Variants in CDH13 observed in about 807,000 individuals in gnomAD.
CDH13 encodes cadherin-13.
A neutral mutation model predicts 63.8 loss-of-function variants in CDH13; 24 were observed. That is an observed-to-expected ratio of 0.38 (90% CI 0.27 to 0.53). CDH13 has a LOEUF of 0.53. CDH13 is among the 20% of genes least tolerant of loss of function. The pLI, the probability that CDH13 is intolerant of heterozygous loss-of-function variation, is 0.85. For missense variants in CDH13, 1,049 were observed against 903.1 expected (o/e 1.16, Z -2.07); for synonymous variants, 503 against 355.3 (o/e 1.42, Z -4.67).
chr16:83,084,643 C>T (rs371302876), intron 3 of CDH13, among the ~76,000 whole-genome samples: 106 of 152,304 alleles, frequency 7.0e-4, no homozygotes, highest in African/African-American at 2.5e-3. Flanking sequence ...AATCCCAACA[C>T]ATCCGGAGGC....
chr16:82,875,442 C>T (rs1350484746), intron 2 of CDH13, among the ~76,000 whole-genome samples: 2 of 152,108 alleles, frequency 1.3e-5, no homozygotes, highest in Non-Finnish European at 2.9e-5. Context: ...CATCCAAAGA[C>T]CTGAATGACA....
chr16:83,496,065 G>A (rs961807943), intron 7 of CDH13, among the ~76,000 whole-genome samples: 8 of 151,430 alleles, frequency 5.3e-5, no homozygotes, highest in South Asian at 4.2e-4. Flanking sequence ...AATCAATATC[G>A]TGAAAATGGC....
intron 8 of CDH13, among the ~76,000 whole-genome samples, chr16:83,623,648 C>T (rs1212598451): frequency 6.6e-6 from 1 of 152,174 alleles, no homozygotes; most frequent in Non-Finnish European, 1.5e-5. Context: ...GCTGTAAATC[C>T]ATATATCAGA....
At chr16:82,790,555 A>G (rs150888614) in intron 1 of CDH13, among the ~76,000 whole-genome samples, 286 of 152,346 alleles carry the variant, frequency 1.9e-3, no homozygotes, top group African/African-American at 6.4e-3. Context: ...GTGAAAATAA[A>G]GCATATCCTG....
chr16:83,023,300 A>ACCCCC (rs55734721), intron 2 of CDH13, among the ~76,000 whole-genome samples: 5 of 151,458 alleles, frequency 3.3e-5, no homozygotes, highest in African/African-American at 1.2e-4. Context: ...TGTTTTCACT[A>ACCCCC]CCCCCCGACT....
intron 6 of CDH13, among the ~76,000 whole-genome samples, chr16:83,480,665 G>A (rs1242859347): frequency 6.6e-6 from 1 of 152,122 alleles, no homozygotes; most frequent in African/African-American, 2.4e-5. Context: ...AGCAAAACTT[G>A]GCCTGCAGGG....
At chr16:82,642,600 A>C (rs1909553888) in intron 1 of CDH13, among the ~76,000 whole-genome samples, 1 of 152,152 alleles carries the variant, frequency 6.6e-6, no homozygotes, top group African/African-American at 2.4e-5. Flanking sequence ...TCTCCACCAG[A>C]CTGTGCATTA....
intron 6 of CDH13, among the ~76,000 whole-genome samples, chr16:83,474,635 G>T (rs2073553697): frequency 1.3e-5 from 2 of 152,170 alleles, no homozygotes; most frequent in South Asian, 4.1e-4. Flanking sequence ...TAAAAAGGAG[G>T]ATGTAGCTTA....
intron 7 of CDH13, among the ~76,000 whole-genome samples, chr16:83,512,674 A>G (rs1239849952): frequency 1.3e-5 from 2 of 149,934 alleles, no homozygotes; most frequent in Non-Finnish European, 3.0e-5. Flanking sequence ...TCTCAATAAT[A>G]ATAATAATAA....
At chr16:83,430,266 A>G (rs78024569) in intron 6 of CDH13, among the ~76,000 whole-genome samples, 2,578 of 152,278 alleles carry the variant, frequency 0.017, 82 homozygotes, top group African/African-American at 0.059. Flanking sequence ...ATTAATTTAC[A>G]GTGATCATGT....
intron 3 of CDH13, among the ~76,000 whole-genome samples, chr16:83,105,739 A>C (rs1332583273): frequency 1.3e-5 from 2 of 152,226 alleles, no homozygotes; most frequent in Non-Finnish European, 2.9e-5. Context: ...ACCACCCCCA[A>C]ATCATCATCT....
At chr16:82,668,426 G>C (rs1200999253) in intron 1 of CDH13, among the ~76,000 whole-genome samples, 1 of 152,144 alleles carries the variant, frequency 6.6e-6, no homozygotes, top group African/African-American at 2.4e-5. Context: ...AAGTAGATAG[G>C]GAGGCATTCA....
chr16:83,272,071 T>C (rs763488466), intron 5 of CDH13, among the ~76,000 whole-genome samples: 2 of 152,256 alleles, frequency 1.3e-5, no homozygotes, highest in Non-Finnish European at 2.9e-5. Context: ...ATTAATTTGT[T>C]CAACCAGTGT....
At chr16:82,639,843 T>G (rs931489485) in intron 1 of CDH13, among the ~76,000 whole-genome samples, 1 of 152,240 alleles carries the variant, frequency 6.6e-6, no homozygotes, top group African/African-American at 2.4e-5. Flanking sequence ...TCCAATCCTG[T>G]TCTGGTGGAC....
rs1176517187 is a variant in CDH13 at position 82,644,619 on chromosome 16, A to C, written c.45+17482A>C. On this transcript the variant is annotated intron_variant, in intron 1 of 13. Coordinates refer to ENST00000567109, the MANE Select transcript of CDH13 (RefSeq NM_001257.5). This position sits in a 1 kb window ranked among gnomAD's most constrained non-coding sequence, Gnocchi z 5.7. ...GCTGAGGGGCTGTACGTGTCTTCAT[A>C]GGTCTCCAGTCTGTAAAAGCAACCA... 6.6e-6 allele frequency among the ~76,000 whole-genome samples: 1 copy of C among 152,296 alleles called. No homozygotes were observed. The highest frequency in any genetic ancestry group is 1.5e-5 in the Non-Finnish European group (1 of 68,036).
At chr16:83,242,504 G>A (rs1904565118) in intron 5 of CDH13, among the ~76,000 whole-genome samples, 2 of 152,192 alleles carry the variant, frequency 1.3e-5, no homozygotes, top group Admixed American at 1.3e-4. Context: ...AATCAGATGT[G>A]TTTGGAGAGG....
At chr16:83,632,412 C>A (rs954827246) in intron 8 of CDH13, among the ~76,000 whole-genome samples, 3 of 152,164 alleles carry the variant, frequency 2.0e-5, no homozygotes, top group African/African-American at 7.2e-5. Flanking sequence ...GTAATGAAGG[C>A]CAGCAGCTCC....
intron 7 of CDH13, among the ~76,000 whole-genome samples, chr16:83,488,392 A>G (rs2073941218): frequency 6.6e-6 from 1 of 152,194 alleles, no homozygotes; most frequent in Admixed American, 6.5e-5. Context: ...AAAAAGGAAA[A>G]AGAGTTGGAA....
At chr16:83,671,083 C>T in intron 9 of CDH13, 111 bp downstream of exon 9, 3 of 918,758 alleles carry the variant, frequency 3.3e-6, no homozygotes, top group Admixed American at 4.8e-5. Flanking sequence ...CCCCCAGTCT[C>T]CTCCTTCTGG....
Sources: gnomAD v4.1 joint callset for allele counts (sites outside exome capture counted in the v4.1 genomes callset) on GRCh38, gnomAD v4.1.1 for gene constraint, Gnocchi (gnomAD v3.1) non-coding constraint, MANE v1.5 for transcripts, NCBI Gene and HGNC (gene_info 2026-07-23, HGNC 2026-07-21) for gene names.